ZNF516: variants seen among roughly 807,000 people sequenced by gnomAD.
ZNF516 encodes the protein zinc finger protein 516.
Under a neutral mutation model 79.7 loss-of-function variants are expected in ZNF516, and 19 were observed. The ratio of observed to expected loss-of-function variants is 0.24; its 90% CI spans 0.17 to 0.35. The LOEUF is 0.35. Among genes scored for constraint, ZNF516 ranks in the 10% least tolerant of loss-of-function variants. ZNF516 has a pLI of 1.00. For missense variants in ZNF516, 1,678 were observed against 1,679.5 expected, an observed-to-expected ratio of 1.00 and a Z score of 0.02; for synonymous variants, 877 against 739.5, an observed-to-expected ratio of 1.19 and a Z score of -3.02.
intron 3 of ZNF516, chr18:76,387,628 G>A (rs548220869): frequency 4.7e-4 from 71 of 152,360 alleles, no homozygotes; most frequent in African/African-American, 1.4e-3. Flanking sequence ...GGTAATGTAG[G>A]AGACCGAAGC....
Position 76,358,154 on chromosome 18 carries a change from C to T in ZNF516, c.*4344G>A, listed in dbSNP as rs985127962. The T allele has an allele frequency of 1.3e-5, 2 of 152,192 alleles. No individual in the cohort carries two copies. The highest frequency in any genetic ancestry group is 2.4e-5 in the African/African-American group (1 of 41,442). 9.4% of individuals were successfully genotyped at this position (152,192 alleles called of 1,614,324 possible). On this transcript the variant is annotated 3_prime_UTR_variant, in exon 7 of 7. Transcript: ENST00000443185. Reference sequence around the variant, plus strand: ...AAGCGGGCTGTCAAACGATTTACGCCACCCTCTGAAATTGGGGAAAAATGT... The same window carrying T: ...AAGCGGGCTGTCAAACGATTTACGCTACCCTCTGAAATTGGGGAAAAATGT...
intron 6 of ZNF516, among the ~76,000 whole-genome samples, chr18:76,363,295 A>C (rs2074565442): frequency 6.6e-6 from 1 of 152,244 alleles, no homozygotes; most frequent in African/African-American, 2.4e-5. Context: ...TGATGAAGTG[A>C]AACTGACCAG....
chr18:76,458,508 G>A (rs1912869998), intron 2 of ZNF516, among the ~76,000 whole-genome samples: 1 of 152,240 alleles, frequency 6.6e-6, no homozygotes, highest in African/African-American at 2.4e-5. Flanking sequence ...TGTTTCGGGG[G>A]GCATTTTCTA....
chr18:76,434,951 T>C (rs2075710325), intron 3 of ZNF516, among the ~76,000 whole-genome samples: 2 of 152,220 alleles, frequency 1.3e-5, no homozygotes, highest in Non-Finnish European at 2.9e-5. Flanking sequence ...TCCACACTTC[T>C]GAGTCCAAGC....
chr18:76,434,880 C>T (rs2075709394), intron 3 of ZNF516, among the ~76,000 whole-genome samples: 1 of 152,206 alleles, frequency 6.6e-6, no homozygotes, highest in Non-Finnish European at 1.5e-5. Flanking sequence ...ACTGCAAATT[C>T]CCAGGGGCTG....
chr18:76,378,076 CTG>C (rs1294088252), intron 4 of ZNF516: 1 of 152,222 alleles, frequency 6.6e-6, no homozygotes, highest in Non-Finnish European at 1.5e-5. Context: ...CTGAGAGACT[CTG>C]TTTTGTTTTG....
chr18:76,433,422 C>T (rs1375331066), intron 3 of ZNF516, among the ~76,000 whole-genome samples: 4 of 152,204 alleles, frequency 2.6e-5, no homozygotes, highest in Admixed American at 6.5e-5. Flanking sequence ...TGACGCAAGG[C>T]GGATGCTGGG....
At chr18:76,482,490 C>T (rs1402012793) in intron 1 of ZNF516, among the ~76,000 whole-genome samples, 1 of 152,240 alleles carries the variant, frequency 6.6e-6, no homozygotes, top group Non-Finnish European at 1.5e-5. Flanking sequence ...GACGTCGGTA[C>T]TTCATGGCAA....
chr18:76,377,715 A>AT (rs1213742643), intron 4 of ZNF516, among the ~76,000 whole-genome samples: 3,939 of 133,600 alleles, frequency 0.029, 163 homozygotes, highest in African/African-American at 0.084. Context: ...TTACAACGTT[A>AT]TTTTTTTTTT....
chr18:76,404,330 CGTGT>C (rs1485883366), intron 3 of ZNF516, among the ~76,000 whole-genome samples: 5 of 122,392 alleles, frequency 4.1e-5, no homozygotes, highest in Non-Finnish European at 7.6e-5. Flanking sequence ...GCATGTGGAC[CGTGT>C]GTATGTGTGA....
chr18:76,417,350 AAGAACACCGCC>A (rs1213965981), intron 3 of ZNF516, among the ~76,000 whole-genome samples: 1 of 152,230 alleles, frequency 6.6e-6, no homozygotes, highest in Non-Finnish European at 1.5e-5. Context: ...CCAAAGCTGT[AAGAACACCGCC>A]AGGAATCTTG....
At chr18:76,390,176 G>C (rs1201129733) in intron 3 of ZNF516, among the ~76,000 whole-genome samples, 3 of 152,196 alleles carry the variant, frequency 2.0e-5, no homozygotes, top group Non-Finnish European at 4.4e-5. Flanking sequence ...TGTGCATTGA[G>C]TATGCGCTAA....
At chr18:76,496,203 G>A, upstream of ZNF516, 3 of 1,195,090 alleles carry the variant, frequency 2.5e-6, no homozygotes, top group South Asian at 4.3e-5. Context: ...GCGAGGGCGA[G>A]CGCCCCTTCA....
In ZNF516 at chr18:76,380,254, C is replaced by T. The variant is rs1204538535; in HGVS notation, c.1860G>A (p.Glu620=). 6.2e-7 allele frequency: 1 copy of T among 1,613,826 alleles called. No individual in the cohort carries two copies. Among genetic ancestry groups the T allele is most frequent in the Non-Finnish European group, 8.5e-7 (1 of 1,179,888 alleles). ...TGTGACTCTGGTCTCCACTGGAGAGCTCGGTCGAAGTCACCTCTTCGGAAA... is the reference window on the plus strand; with the variant it reads ...TGTGACTCTGGTCTCCACTGGAGAGTTCGGTCGAAGTCACCTCTTCGGAAA... ...CCFSEEVTST[E]LSSGDQSHKM... is the part of the protein sequence containing the mutation. Residue 620 remains glutamate (E), a synonymous_variant, in exon 4 of 7, where the codon GAG becomes GAA. Coordinates refer to ENST00000443185, the MANE Select transcript of ZNF516 (RefSeq NM_014643.4).
chr18:76,430,247 A>T (rs1420890830), intron 3 of ZNF516, among the ~76,000 whole-genome samples: 1 of 152,238 alleles, frequency 6.6e-6, no homozygotes, highest in Non-Finnish European at 1.5e-5. Context: ...TATTTCTTAA[A>T]AATGAAAAAA....
chr18:76,363,086 A>G (rs939564398), intron 6 of ZNF516, among the ~76,000 whole-genome samples: 1 of 152,204 alleles, frequency 6.6e-6, no homozygotes, highest in Non-Finnish European at 1.5e-5. Context: ...ACAATTACCA[A>G]GTTGGAAAAA....
At position 76,442,153 on chromosome 18, in the gene ZNF516, T is replaced by C; in HGVS notation, c.902A>G (p.Lys301Arg). The C allele has an allele frequency of 6.2e-7, 1 of 1,613,966 alleles. No homozygotes were observed. Among genetic ancestry groups the C allele is most frequent in the African/African-American group, 1.3e-5 (1 of 75,072 alleles). The change falls in exon 3 of 7, where the codon AAG becomes AGG. Residue 301 changes from lysine (K) to arginine (R), a missense_variant. By Grantham distance (26) the Lys-to-Arg change is conservative (BLOSUM62 2). Transcript: ENST00000443185. ...CTTGGGCCTGTTCTTGCTGCCCGTC[T>C]TGGGGCCGTGCGCCTTCATGTGGTT... ...LKNHMKAHGP[K>R]TGSKNRPKSE...
chr18:76,487,836 C>T, intron 1 of ZNF516: 1 of 664,748 alleles, frequency 1.5e-6, no homozygotes, highest in African/African-American at 2.0e-5. Flanking sequence ...TCCTCTATGG[C>T]CCCTAGATAC....
intron 2 of ZNF516, among the ~76,000 whole-genome samples, chr18:76,448,089 T>C (rs913599171): frequency 2.0e-5 from 3 of 152,144 alleles, no homozygotes; most frequent in Non-Finnish European, 4.4e-5. Flanking sequence ...AAAAATACAT[T>C]GTAACGGAGA....
Sources: gnomAD v4.1 joint callset for allele counts (sites outside exome capture counted in the v4.1 genomes callset) on GRCh38, gnomAD v4.1.1 for gene constraint, MANE v1.5 for transcripts, NCBI Gene and HGNC (gene_info 2026-07-23, HGNC 2026-07-21) for gene names.